ASIC4: variants seen among roughly 807,000 people sequenced by gnomAD.
ASIC4 encodes acid sensing ion channel subunit family member 4.
Under a neutral mutation model 53.4 loss-of-function variants are expected in ASIC4, and 28 were observed. The observed-to-expected ratio is 0.52, with a 90% CI of 0.39 to 0.72. The LOEUF is 0.72. Among genes scored for constraint, ASIC4 ranks in the 30% least tolerant of loss-of-function variants. The pLI, the probability that ASIC4 is intolerant of heterozygous loss-of-function variation, is 0.00. For synonymous variants in ASIC4, 289 were observed against 301.4 expected (o/e 0.96, Z 0.43); for missense variants, 649 against 729.7 (o/e 0.89, Z 1.27).
At chr2:219,511,006 C>T (rs959194604), upstream of ASIC4, among the ~76,000 whole-genome samples, 3 of 152,152 alleles carry the variant, frequency 2.0e-5, no homozygotes, top group African/African-American at 4.8e-5. The surrounding 1 kb of genome is among the most constrained non-coding windows in gnomAD (Gnocchi z 5.3). Context: ...CCAGCCCCAG[C>T]CCCCCCATCC....
At chr2:219,512,470 T>A (rs1025649627), upstream of ASIC4, among the ~76,000 whole-genome samples, 1 of 150,974 alleles carries the variant, frequency 6.6e-6, no homozygotes, top group Admixed American at 6.6e-5. Context: ...AATCACCTTT[T>A]AAAAAAAACA....
At position 219,515,003 on chromosome 2, in the gene ASIC4, G is replaced by A. The variant is rs368212523; in HGVS notation, c.279G>A (p.Leu93=). 86 of 1,613,282 alleles carry A rather than the reference G, an allele frequency of 5.3e-5. No homozygotes were observed. The Admixed American group carries it at 7.3e-4, about 14-fold the overall frequency. The change falls in exon 1 of 10, where the codon CTG becomes CTA. Residue 93 remains leucine (L), a synonymous_variant. Coordinates refer to ENST00000358078, the MANE Select transcript of ASIC4 (RefSeq NM_018674.6). ...YQAAGLARGY[L]TRPHLVAMDP... ...CGGCTGGCCTGGCCCGGGGCTACCT[G>A]ACCCGGCCTCACCTGGTGGCAATGG...
chr2:219,538,345 AG>A lies in ASIC4; in HGVS notation c.*304del, dbSNP rs1313417333. On this transcript the variant is annotated 3_prime_UTR_variant, in exon 10 of 10. Coordinates refer to ENST00000358078, the MANE Select transcript of ASIC4 (RefSeq NM_018674.6). ...AGGATAGAGCCCATCCCAGCCGGGG[AG>A]GGGGAGCCCTCTGTACATTTGTAAA... is the stretch of plus-strand genomic sequence containing the variant. The A allele has an allele frequency of 9.8e-5, 19 of 194,282 alleles. No homozygotes were observed. Among genetic ancestry groups the A allele is most frequent in the African/African-American group, 5.4e-4 (18 of 33,110 alleles). 12.0% of individuals were successfully genotyped at this position (194,282 alleles called of 1,614,324 possible). A position where few individuals can be genotyped will look rare whatever the true frequency, so the allele number is the denominator to read the frequency against.
intron 1 of ASIC4, among the ~76,000 whole-genome samples, chr2:219,524,181 A>G (rs577777696): frequency 7.2e-5 from 11 of 152,370 alleles, no homozygotes; most frequent in Non-Finnish European, 1.5e-4. Context: ...CCTTGAGGGC[A>G]GAGGCTGTCT....
upstream of ASIC4, among the ~76,000 whole-genome samples, chr2:219,510,496 C>G (rs115042116): frequency 7.0e-3 from 1,061 of 152,332 alleles, 13 homozygotes; most frequent in African/African-American, 0.024. The surrounding 1 kb of genome is among the most constrained non-coding windows in gnomAD (Gnocchi z 5.2). Context: ...TGCGTCCATC[C>G]CAGCCCTCCC....
In ASIC4 at chr2:219,531,838, C is replaced by G; in HGVS notation, c.663C>G (p.Gly221=). Residue 221 remains glycine, a synonymous_variant, in exon 2 of 10, where the codon GGC becomes GGG. Coordinates refer to ENST00000358078, the MANE Select transcript of ASIC4 (RefSeq NM_018674.6). ...SSLPSRAGGM[G]SGLEIMLDIQ... ...TGCCCAGCCGGGCAGGGGGCATGGGCAGTGGCCTGGAGATCATGCTGGACA... is the reference window on the plus strand; with the variant it reads ...TGCCCAGCCGGGCAGGGGGCATGGGGAGTGGCCTGGAGATCATGCTGGACA... The G allele has an allele frequency of 1.2e-6, 2 of 1,613,794 alleles. No homozygotes were observed. The highest frequency in any genetic ancestry group is 1.7e-6 in the Non-Finnish European group (2 of 1,179,846).
At chr2:219,535,457 G>GTGTGTA in intron 6 of ASIC4, 133 bp downstream of exon 6, 1 of 1,047,378 alleles carries the variant, frequency 9.5e-7, no homozygotes, top group Non-Finnish European at 1.4e-6. Flanking sequence ...GTGGGTGTGG[G>GTGTGTA]TGTGTATGTG....
At position 219,532,334 on chromosome 2, in the gene ASIC4, C is replaced by T; in HGVS notation, c.875C>T (p.Pro292Leu). ...QEQRLTYLPQ[P>L]WGNCRAESEL... ...CTGCAGCTGACCTACCTGCCCCAGC[C>T]CTGGGGCAACTGCCGCGCAGAGAGT... Residue 292 changes from proline (P) to leucine (L), a missense_variant, in exon 4 of 10, where the codon CCC (proline) becomes CTC (leucine). Physicochemically the swap from Pro to Leu is moderately conservative, Grantham distance 98. Coordinates refer to ENST00000358078, the MANE Select transcript of ASIC4 (RefSeq NM_018674.6). 6.2e-7 allele frequency: 1 copy of T among 1,612,576 alleles called. No individual in the cohort carries two copies. Among genetic ancestry groups the T allele is most frequent in the Non-Finnish European group, 8.5e-7 (1 of 1,178,782 alleles).
chr2:219,522,075 C>T (rs1335662296), intron 1 of ASIC4, among the ~76,000 whole-genome samples: 2 of 152,068 alleles, frequency 1.3e-5, no homozygotes, highest in Non-Finnish European at 2.9e-5. Flanking sequence ...GGGCTGGCAG[C>T]GCTGGAAATC....
chr2:219,524,990 G>A (rs939876151), intron 1 of ASIC4, among the ~76,000 whole-genome samples: 4 of 152,206 alleles, frequency 2.6e-5, no homozygotes, highest in African/African-American at 9.7e-5. Context: ...AACTTTAGGA[G>A]GAGGAATTAC....
At chr2:219,515,906 CCT>C (rs1360532283) in intron 1 of ASIC4, among the ~76,000 whole-genome samples, 1 of 152,132 alleles carries the variant, frequency 6.6e-6, no homozygotes, top group East Asian at 1.9e-4. Context: ...CTCACACATC[CCT>C]CTTTCATTCT....
upstream of ASIC4, among the ~76,000 whole-genome samples, chr2:219,513,504 C>G (rs781358852): frequency 6.6e-6 from 1 of 152,116 alleles, no homozygotes; most frequent in Admixed American, 6.5e-5. Context: ...GGAGAGCATT[C>G]GCTCCCATTG....
Position 219,537,438 on chromosome 2 carries a change from C to T in ASIC4, c.1401+117C>T, listed in dbSNP as rs1695159607. ...GGAAAGTCAGGTTCAGGGTTCTCTG[C>T]CAGGGTCCCCTGACTGGCTGGCAGG... On this transcript the variant is annotated intron_variant, in intron 8 of 9. Coordinates refer to ENST00000358078, the MANE Select transcript of ASIC4 (RefSeq NM_018674.6). The surrounding 1 kb of genome is among the most constrained non-coding windows in gnomAD (Gnocchi z 4.9). 7.9e-7 allele frequency: 1 copy of T among 1,269,834 alleles called. No individual in the cohort carries two copies. Among genetic ancestry groups the T allele is most frequent in the South Asian group, 1.3e-5 (1 of 75,370 alleles). The allele number at this position is 1,269,834 out of a possible 1,614,324, so 78.7% of individuals were successfully genotyped here. A position where few individuals can be genotyped will look rare whatever the true frequency, so the allele number is the denominator to read the frequency against.
At chr2:219,533,073 C>T (rs947212079) in intron 5 of ASIC4, 134 bp downstream of exon 5, 3 of 1,017,384 alleles carry the variant, frequency 2.9e-6, no homozygotes, top group African/African-American at 1.6e-5. Flanking sequence ...AGCCTTAGCC[C>T]ATACTTCAGT....
chr2:219,509,900 T>G (rs915628393), upstream of ASIC4, among the ~76,000 whole-genome samples: 1 of 152,104 alleles, frequency 6.6e-6, no homozygotes, highest in African/African-American at 2.4e-5. The surrounding 1 kb of genome is among the most constrained non-coding windows in gnomAD (Gnocchi z 5.2). Context: ...GCTCAGCTGC[T>G]AGGGTTGGCC....
rs1420887334 is a variant in ASIC4 at position 219,516,368 on chromosome 2, C to G, written c.582+1062C>G. 6.6e-6 allele frequency among the ~76,000 whole-genome samples: 1 copy of G among 152,146 alleles called. No homozygotes were observed. Among genetic ancestry groups the G allele is most frequent in the Non-Finnish European group, 1.5e-5 (1 of 68,016 alleles). On this transcript the variant is annotated intron_variant, in intron 1 of 9. Transcript: ENST00000358078. The surrounding 1 kb of genome is among the most constrained non-coding windows in gnomAD (Gnocchi z 4.9). ...GTGAGCACAAACACAAGCACCCTCT[C>G]CGGGAGAGGGGTGTGAGCTTGGGCT...
At chr2:219,511,011 C>G (rs571649561), upstream of ASIC4, among the ~76,000 whole-genome samples, 10 of 152,330 alleles carry the variant, frequency 6.6e-5, no homozygotes, top group East Asian at 1.9e-4. The surrounding 1 kb of genome is among the most constrained non-coding windows in gnomAD (Gnocchi z 5.3). Flanking sequence ...CCCAGCCCCC[C>G]CATCCTTGTC....
rs1277204121 is a variant in ASIC4 at position 219,538,251 on chromosome 2, C to A, written c.*205C>A. On this transcript the variant is annotated 3_prime_UTR_variant, in exon 10 of 10. Transcript: ENST00000358078. ...CACACCCCTTATCCCCAGGCTGGTG[C>A]CCCGGGAGGGCTGGAGACCAGGCCA... The A allele has an allele frequency of 1.7e-6, 1 of 583,630 alleles. No homozygotes were observed. 36.2% of individuals were successfully genotyped at this position (583,630 alleles called of 1,614,324 possible). A position where few individuals can be genotyped will look rare whatever the true frequency, so the allele number is the denominator to read the frequency against.
chr2:219,538,324 T>C lies in ASIC4; in HGVS notation c.*278T>C, dbSNP rs962342945. On this transcript the variant is annotated 3_prime_UTR_variant, in exon 10 of 10. Transcript: ENST00000358078. ...GAAGGAAGGAGAGGGAGGGGGAGGA[T>C]AGAGCCCATCCCAGCCGGGGAGGGG... is the stretch of plus-strand genomic sequence containing the variant. 8.2e-6 allele frequency: 3 copies of C among 365,492 alleles called. No individual in the cohort carries two copies. Among genetic ancestry groups the C allele is most frequent in the African/African-American group, 2.4e-5 (1 of 42,330 alleles). The allele number at this position is 365,492 out of a possible 1,614,324, so 22.6% of individuals were successfully genotyped here.
Sources: allele counts gnomAD v4.1 joint callset (sites outside exome capture counted in the v4.1 genomes callset), GRCh38; gene constraint gnomAD v4.1.1; non-coding constraint Gnocchi (gnomAD v3.1); transcripts MANE v1.5; gene names NCBI Gene and HGNC (gene_info 2026-07-23, HGNC 2026-07-21).